SIPA1L1: variants seen among roughly 807,000 people sequenced by gnomAD.
SIPA1L1 encodes the protein signal induced proliferation associated 1 like 1.
In SIPA1L1, 26 loss-of-function variants were observed where a neutral mutation model predicts 162.7. The observed-to-expected ratio is 0.16, with a 90% CI of 0.12 to 0.22. The LOEUF (loss-of-function observed/expected upper bound fraction) is 0.22, where lower values mean the gene tolerates loss of function less well. Among genes scored for constraint, SIPA1L1 ranks in the 10% least tolerant of loss-of-function variants. The probability of loss-of-function intolerance (pLI) is 1.00; values close to 1 mark genes in which losing one functional copy is unlikely to be tolerated. For synonymous variants in SIPA1L1, 829 were observed against 837.4 expected (o/e 0.99, Z 0.17); for missense variants, 1,874 against 2,241.0 (o/e 0.84, Z 3.31).
intron 7 of SIPA1L1, among the ~76,000 whole-genome samples, chr14:71,628,128 T>C (rs1323528811): frequency 2.0e-5 from 3 of 152,144 alleles, no homozygotes; most frequent in Non-Finnish European, 4.4e-5. Context: ...TCTAAAAAAA[T>C]AAATAATTTA....
chr14:71,643,861 G>A (rs528743801), intron 7 of SIPA1L1, among the ~76,000 whole-genome samples: 15 of 152,294 alleles, frequency 9.8e-5, no homozygotes, highest in African/African-American at 3.6e-4. Flanking sequence ...AGGCTGGAGT[G>A]CAGTGGCACG....
intron 2 of SIPA1L1, among the ~76,000 whole-genome samples, chr14:71,384,952 A>G (rs2040201916): frequency 6.6e-6 from 1 of 152,182 alleles, no homozygotes; most frequent in African/African-American, 2.4e-5. Context: ...AATGAAAGGT[A>G]TTGAGGAGAG....
At chr14:71,450,259 A>G (rs960393753) in intron 2 of SIPA1L1, among the ~76,000 whole-genome samples, 8 of 152,158 alleles carry the variant, frequency 5.3e-5, no homozygotes, top group Non-Finnish European at 1.5e-5. Context: ...TGGAGGGCTT[A>G]CTGATTTTCT....
intron 2 of SIPA1L1, among the ~76,000 whole-genome samples, chr14:71,355,653 ATTAG>A (rs1361777975): frequency 1.3e-5 from 2 of 152,214 alleles, no homozygotes; most frequent in South Asian, 2.1e-4. Flanking sequence ...TTGATAGAAA[ATTAG>A]TTAGGCAAAA....
chr14:71,370,416 A>G (rs2038774508), intron 2 of SIPA1L1, among the ~76,000 whole-genome samples: 2 of 152,054 alleles, frequency 1.3e-5, no homozygotes, highest in African/African-American at 2.4e-5. Flanking sequence ...ATCTATTGAG[A>G]TAATCATGTG....
intron 2 of SIPA1L1, among the ~76,000 whole-genome samples, chr14:71,417,497 A>AAAAAAAAAAAAAAAAAC (rs2042880577): frequency 6.8e-6 from 1 of 146,930 alleles, no homozygotes; most frequent in Non-Finnish European, 1.5e-5. Context: ...AAAAAAAAAA[A>AAAAAAAAAAAAAAAAAC]AAAAAAGAAA....
At chr14:71,658,488 G>A (rs2043248990) in intron 9 of SIPA1L1, 52 bp downstream of exon 9, 3 of 1,184,398 alleles carry the variant, frequency 2.5e-6, no homozygotes, top group Non-Finnish European at 3.8e-6. Context: ...ATTTCCTCTA[G>A]AAGCCTAAGT....
At chr14:71,652,774 A>G (rs1021719923) in intron 8 of SIPA1L1, among the ~76,000 whole-genome samples, 8 of 152,058 alleles carry the variant, frequency 5.3e-5, no homozygotes, top group Non-Finnish European at 1.0e-4. Context: ...ATTTCCATTT[A>G]AGATATTATA....
chr14:71,650,545 T>C, intron 8 of SIPA1L1, 36 bp downstream of exon 8: 1 of 1,597,852 alleles, frequency 6.3e-7, no homozygotes, highest in African/African-American at 1.3e-5. Context: ...TAGGCTTATT[T>C]TCCCCCTGTT....
At chr14:71,385,966 G>T (rs988040469) in intron 2 of SIPA1L1, among the ~76,000 whole-genome samples, 5 of 152,128 alleles carry the variant, frequency 3.3e-5, no homozygotes, top group African/African-American at 1.2e-4. Context: ...GATTACAAGC[G>T]TGTGCCATCG....
intron 7 of SIPA1L1, among the ~76,000 whole-genome samples, chr14:71,641,862 A>G (rs537350828): frequency 1.4e-4 from 21 of 152,238 alleles, no homozygotes; most frequent in Non-Finnish European, 3.1e-4. Context: ...AAATTAGTAC[A>G]GTGGTTGCCT....
chr14:71,546,805 G>A (rs1187614359), intron 4 of SIPA1L1, among the ~76,000 whole-genome samples: 1 of 152,132 alleles, frequency 6.6e-6, no homozygotes, highest in Non-Finnish European at 1.5e-5. Flanking sequence ...GAAAGTAATG[G>A]ATGCTTCCCT....
At chr14:71,502,255 A>AAAAAATATATATATATATATAT (rs67020418) in intron 2 of SIPA1L1, among the ~76,000 whole-genome samples, 36 of 97,520 alleles carry the variant, frequency 3.7e-4, no homozygotes, top group African/African-American at 1.6e-3. Context: ...AAAAAAAAAA[A>AAAAAATATATATATATATATAT]ATATATATAT....
At chr14:71,463,123 A>G (rs1189273586) in intron 2 of SIPA1L1, among the ~76,000 whole-genome samples, 1 of 152,204 alleles carries the variant, frequency 6.6e-6, no homozygotes, top group Non-Finnish European at 1.5e-5. Context: ...GCGTCTTTCA[A>G]GTCCTTGATG....
At chr14:71,618,069 G>C (rs747430489) in intron 5 of SIPA1L1, among the ~76,000 whole-genome samples, 10 of 152,240 alleles carry the variant, frequency 6.6e-5, no homozygotes, top group Non-Finnish European at 1.3e-4. Flanking sequence ...CTTGTGCTAA[G>C]GTTTGGGGCC....
chr14:71,378,682 G>A (rs1441047989), intron 2 of SIPA1L1, among the ~76,000 whole-genome samples: 1 of 151,406 alleles, frequency 6.6e-6, no homozygotes, highest in South Asian at 2.1e-4. Flanking sequence ...GGTCATTCCT[G>A]ATTTTTTTTT....
intron 2 of SIPA1L1, among the ~76,000 whole-genome samples, chr14:71,509,355 A>G (rs531213216): frequency 2.0e-5 from 3 of 152,360 alleles, no homozygotes; most frequent in South Asian, 2.1e-4. Context: ...GGTTTCTATT[A>G]GTTATTCATG....
intron 5 of SIPA1L1, among the ~76,000 whole-genome samples, chr14:71,613,871 AAGG>A (rs10571135): frequency 0.42 from 63,910 of 151,610 alleles, 14,226 homozygotes; most frequent in Admixed American, 0.51. Flanking sequence ...GGCCTGAAGG[AAGG>A]AGGAGACTGC....
intron 2 of SIPA1L1, among the ~76,000 whole-genome samples, chr14:71,444,920 G>A (rs1232070456): frequency 1.3e-5 from 2 of 152,162 alleles, no homozygotes; most frequent in African/African-American, 4.8e-5. Context: ...CTTGTTCTGT[G>A]CCTAGAAGAG....
Sources: allele counts gnomAD v4.1 joint callset (sites outside exome capture counted in the v4.1 genomes callset), GRCh38; gene constraint gnomAD v4.1.1; transcripts MANE v1.5; gene names NCBI Gene and HGNC (gene_info 2026-07-23, HGNC 2026-07-21).